PAX8: variants seen among roughly 807,000 people sequenced by gnomAD.
PAX8 encodes the protein paired box protein Pax-8.
PAX8 carries 15 observed loss-of-function variants against 52.4 expected under a neutral mutation model. The observed-to-expected ratio is 0.29, with a 90% CI of 0.19 to 0.44. The LOEUF (loss-of-function observed/expected upper bound fraction) is 0.44, where lower values mean the gene tolerates loss of function less well. Ranked by LOEUF, PAX8 falls within the 20% of genes least tolerant of loss-of-function variation. The pLI is 1.00. For missense variants in PAX8, 554 were observed against 602.5 expected, an observed-to-expected ratio of 0.92 and a Z score of 0.84; for synonymous variants, 284 against 249.7, an observed-to-expected ratio of 1.14 and a Z score of -1.29.
chr2:113,249,773 C>A (rs1252254065), intron 2 of PAX8, among the ~76,000 whole-genome samples: 2 of 152,086 alleles, frequency 1.3e-5, no homozygotes, highest in African/African-American at 4.8e-5. Context: ...ACGGTGAATT[C>A]TCTGGTGCTT....
chr2:113,235,584 T>G lies in PAX8; in HGVS notation c.899-2A>C. 6.2e-7 allele frequency: 1 copy of G among 1,606,206 alleles called. No individual in the cohort carries two copies. The highest frequency in any genetic ancestry group is 1.3e-5 in the African/African-American group (1 of 74,836). ...TTATGGCGAAGGGTGAGTGAGGATC[T>G]GCCGGAGGGAGGGAGACAACAAGGA... On this transcript the variant is annotated splice_acceptor_variant, in intron 8 of 11. Coordinates refer to ENST00000429538, the MANE Select transcript of PAX8 (RefSeq NM_003466.4). LOFTEE classifies it high-confidence loss of function.
chr2:113,226,669 G>GTCATCATCA lies in PAX8; in HGVS notation c.1189+477_1189+485dup, dbSNP rs34633676. ...ATATTTCATCATCATCATCGTCATC[G>GTCATCATCA]TCATCATCATCATCATCATCATCAA... On this transcript the variant is annotated intron_variant, in intron 10 of 11. Transcript: ENST00000429538. 1.1e-3 allele frequency: 1,195 copies of GTCATCATCA among 1,057,574 alleles called. 11 individuals carry two copies. The African/African-American group carries it at 0.018, about 16-fold the overall frequency. The allele number at this position is 1,057,574 out of a possible 1,614,324, so 65.5% of individuals were successfully genotyped here.
At chr2:113,250,420 G>A (rs1233394525) in intron 2 of PAX8, among the ~76,000 whole-genome samples, 2 of 152,204 alleles carry the variant, frequency 1.3e-5, no homozygotes, top group Non-Finnish European at 1.5e-5. Flanking sequence ...CTAGGACTAG[G>A]GAGTGTTTTC....
chr2:113,218,428 G>A lies in PAX8; in HGVS notation c.*105C>T, dbSNP rs1474375706. 4.8e-6 allele frequency: 3 copies of A among 624,158 alleles called. No individual in the cohort carries two copies. The highest frequency in any genetic ancestry group is 8.2e-6 in the Non-Finnish European group (3 of 365,198). The allele number at this position is 624,158 out of a possible 1,614,324, so 38.7% of individuals were successfully genotyped here. On this transcript the variant is annotated 3_prime_UTR_variant, in exon 12 of 12. Transcript: ENST00000429538. ...AGTGTGCCGCAATGCTGGACTTGTGGTTATTTTTCATGTAATAAATAAAGA... is the reference window on the plus strand; with the variant it reads ...AGTGTGCCGCAATGCTGGACTTGTGATTATTTTTCATGTAATAAATAAAGA...
intron 2 of PAX8, among the ~76,000 whole-genome samples, chr2:113,260,918 G>T (rs1024479332): frequency 6.7e-6 from 1 of 150,308 alleles, no homozygotes; most frequent in Non-Finnish European, 1.5e-5. Flanking sequence ...GACTGTGTGT[G>T]TGAGTTGCAG....
intron 7 of PAX8, 31 bp downstream of exon 7, chr2:113,241,520 C>T (rs755924087): frequency 5.1e-6 from 8 of 1,577,466 alleles, no homozygotes; most frequent in East Asian, 4.6e-5. Context: ...CCTTGCCCAC[C>T]CTGTTCACCT....
intron 3 of PAX8, 138 bp from the exon 4 acceptor site, chr2:113,244,762 C>G: frequency 1.3e-6 from 1 of 796,692 alleles, no homozygotes; most frequent in Admixed American, 2.0e-5. Flanking sequence ...AGGCTGGTCT[C>G]AAACGCTTGA....
At chr2:113,254,441 T>G (rs559171454) in intron 2 of PAX8, among the ~76,000 whole-genome samples, 40 of 152,212 alleles carry the variant, frequency 2.6e-4, no homozygotes, top group Non-Finnish European at 3.8e-4. Context: ...TAGGAAGATG[T>G]CTCTAAATGA....
chr2:113,263,188 G>C (rs1692815402), intron 2 of PAX8: 1 of 152,220 alleles, frequency 6.6e-6, no homozygotes, highest in Non-Finnish European at 1.5e-5. Flanking sequence ...TACTATACTT[G>C]CTACCATCTT....
chr2:113,235,754 GGA>G (rs760635678), intron 8 of PAX8, 172 bp from the exon 9 acceptor site: 7 of 590,920 alleles, frequency 1.2e-5, no homozygotes, highest in East Asian at 8.6e-5. Context: ...GGCAAGGCGG[GGA>G]GAGAGAAGCT....
chr2:113,226,894 C>T, intron 10 of PAX8: 2 of 1,373,552 alleles, frequency 1.5e-6, no homozygotes, highest in Non-Finnish European at 1.9e-6. Context: ...CCTGTCTCAG[C>T]CCCTCCCTTT....
intron 9 of PAX8, among the ~76,000 whole-genome samples, chr2:113,234,417 C>T (rs1690114852): frequency 6.6e-6 from 1 of 152,252 alleles, no homozygotes; most frequent in Non-Finnish European, 1.5e-5. Flanking sequence ...TGCCCAGAGA[C>T]CTTGGCAGGG....
intron 8 of PAX8, 102 bp downstream of exon 8, chr2:113,236,499 C>G: frequency 1.3e-5 from 17 of 1,344,122 alleles, no homozygotes; most frequent in Non-Finnish European, 1.5e-5. Flanking sequence ...GCACAGCCCG[C>G]CTCTCCTCTC....
intron 2 of PAX8, chr2:113,274,528 C>G (rs1693673882): frequency 6.6e-6 from 1 of 152,094 alleles, no homozygotes; most frequent in Non-Finnish European, 1.5e-5. Flanking sequence ...CTTTCCTTTC[C>G]ACCCCCATTG....
chr2:113,255,969 C>A (rs1252693154), intron 2 of PAX8, among the ~76,000 whole-genome samples: 1 of 148,786 alleles, frequency 6.7e-6, no homozygotes, highest in African/African-American at 2.5e-5. Context: ...GTGCTGCATG[C>A]ATATGCCTGC....
intron 2 of PAX8, among the ~76,000 whole-genome samples, chr2:113,261,320 A>G (rs1692661079): frequency 6.6e-6 from 1 of 152,070 alleles, no homozygotes; most frequent in South Asian, 2.1e-4. Context: ...CCTAATGTCT[A>G]CAACTCTGGG....
chr2:113,269,860 C>T (rs1693345784), intron 2 of PAX8: 1 of 152,240 alleles, frequency 6.6e-6, no homozygotes, highest in Non-Finnish European at 1.5e-5. Flanking sequence ...CCCACTTGAG[C>T]TCATTTTTGC....
intron 2 of PAX8, among the ~76,000 whole-genome samples, chr2:113,260,308 G>A (rs1290380009): frequency 2.0e-5 from 3 of 152,120 alleles, no homozygotes; most frequent in Non-Finnish European, 2.9e-5. Flanking sequence ...TGTGTATATG[G>A]GTGTCTGTGT....
intron 2 of PAX8, among the ~76,000 whole-genome samples, chr2:113,248,504 G>A (rs913274170): frequency 3.3e-5 from 5 of 152,218 alleles, no homozygotes; most frequent in Admixed American, 1.3e-4. Flanking sequence ...AGCCTTCTGT[G>A]TGAACCAGTT....
Sources: allele counts gnomAD v4.1 joint callset (sites outside exome capture counted in the v4.1 genomes callset), GRCh38; gene constraint gnomAD v4.1.1; transcripts MANE v1.5; gene names NCBI Gene and HGNC (gene_info 2026-07-23, HGNC 2026-07-21).